Variants in SOX6 observed in about 807,000 individuals in gnomAD.
SOX6 encodes the protein transcription factor SOX-6.
Under a neutral mutation model 97.8 loss-of-function variants are expected in SOX6, and 11 were observed. The observed-to-expected ratio is 0.11, with a 90% CI of 0.07 to 0.19. The LOEUF (loss-of-function observed/expected upper bound fraction) is 0.19, where lower values mean the gene tolerates loss of function less well. SOX6 is among the 10% of genes least tolerant of loss of function. SOX6 has a pLI of 1.00. For missense variants in SOX6, 810 were observed against 1,039.5 expected (o/e 0.78, Z 3.04); for synonymous variants, 360 against 371.4 (o/e 0.97, Z 0.35).
chr11:16,053,116 GT>G (rs1161453246), intron 10 of SOX6, among the ~76,000 whole-genome samples: 1 of 152,080 alleles, frequency 6.6e-6, no homozygotes, highest in African/African-American at 2.4e-5. Flanking sequence ...TCTGAACTCT[GT>G]CTCTCTACTC....
chr11:16,013,796 TA>T (rs1245430429), intron 13 of SOX6, among the ~76,000 whole-genome samples: 1 of 151,988 alleles, frequency 6.6e-6, no homozygotes, highest in Non-Finnish European at 1.5e-5. Flanking sequence ...TGTCTAATAC[TA>T]TTCATCTCTG....
chr11:16,285,121 C>A (rs1854694194), intron 3 of SOX6, among the ~76,000 whole-genome samples: 1 of 152,048 alleles, frequency 6.6e-6, no homozygotes, highest in African/African-American at 2.4e-5. Flanking sequence ...TGCCAGTTTT[C>A]TTTCATTAAA....
chr11:16,106,052 G>A (rs1443249374), intron 7 of SOX6, among the ~76,000 whole-genome samples: 2 of 152,070 alleles, frequency 1.3e-5, no homozygotes. Flanking sequence ...AGAAATTAAA[G>A]ATGACATAAA....
At chr11:16,446,462 T>G (rs1565148718) in intron 1 of SOX6, among the ~76,000 whole-genome samples, 1 of 152,144 alleles carries the variant, frequency 6.6e-6, no homozygotes, top group Non-Finnish European at 1.5e-5. Flanking sequence ...GTAAGCGAAT[T>G]ACCTTCACAA....
intron 4 of SOX6, among the ~76,000 whole-genome samples, chr11:16,609,502 A>G (rs1848372814): frequency 6.6e-6 from 1 of 152,208 alleles, no homozygotes; most frequent in African/African-American, 2.4e-5. Flanking sequence ...AGAAATCAGA[A>G]AGTTTCATGG....
At chr11:16,729,241 A>T (rs936209711) in intron 2 of SOX6, among the ~76,000 whole-genome samples, 1 of 152,080 alleles carries the variant, frequency 6.6e-6, no homozygotes, top group African/African-American at 2.4e-5. Context: ...CCACAAAGAT[A>T]CTCCTCGAGA....
At chr11:16,387,874 A>C (rs1858038922) in intron 1 of SOX6, among the ~76,000 whole-genome samples, 1 of 152,116 alleles carries the variant, frequency 6.6e-6, no homozygotes, top group African/African-American at 2.4e-5. Context: ...TCCTTGTATC[A>C]CATGACTTTG....
chr11:16,096,560 A>T (rs1848799409), intron 8 of SOX6, among the ~76,000 whole-genome samples: 1 of 151,770 alleles, frequency 6.6e-6, no homozygotes, highest in Non-Finnish European at 1.5e-5. Context: ...CTCATGACAA[A>T]ATTTCTCAAA....
intron 3 of SOX6, among the ~76,000 whole-genome samples, chr11:16,612,687 C>T (rs1848413670): frequency 6.6e-6 from 1 of 152,072 alleles, no homozygotes; most frequent in African/African-American, 2.4e-5. Context: ...GCGGCACAGA[C>T]ACGAACTAAG....
At chr11:16,737,678 A>G (rs915682543) in intron 1 of SOX6, among the ~76,000 whole-genome samples, 17 of 152,278 alleles carry the variant, frequency 1.1e-4, no homozygotes, top group African/African-American at 2.6e-4. Flanking sequence ...ATAGCTTTAA[A>G]TGCAGGGCTT....
chr11:16,433,530 C>G (rs12793343), intron 1 of SOX6, among the ~76,000 whole-genome samples: 47,178 of 151,848 alleles, frequency 0.31, 8,288 homozygotes, highest in Non-Finnish European at 0.4. Context: ...AATGGATCAT[C>G]CACTTGCCAC....
intron 4 of SOX6, among the ~76,000 whole-genome samples, chr11:16,233,550 T>C (rs1852921935): frequency 6.6e-6 from 1 of 152,168 alleles, no homozygotes. Context: ...TTGAGCTTTA[T>C]CAACATGGGA....
intron 4 of SOX6, among the ~76,000 whole-genome samples, chr11:16,560,171 G>A (rs924544868): frequency 2.0e-5 from 3 of 152,246 alleles, no homozygotes; most frequent in Non-Finnish European, 2.9e-5. Flanking sequence ...AAGTGTTATG[G>A]TGGATGCACA....
intron 1 of SOX6, among the ~76,000 whole-genome samples, chr11:16,341,666 A>G (rs918086501): frequency 6.6e-6 from 1 of 152,160 alleles, no homozygotes; most frequent in African/African-American, 2.4e-5. Context: ...AGATGATTTG[A>G]AAGCACAATT....
chr11:16,378,893 C>T (rs1857723159), intron 1 of SOX6, among the ~76,000 whole-genome samples: 1 of 151,950 alleles, frequency 6.6e-6, no homozygotes, highest in African/African-American at 2.4e-5. Flanking sequence ...GAATTAATTA[C>T]CCATTAGAAT....
At chr11:16,259,945 ATG>A (rs5789946) in intron 3 of SOX6, among the ~76,000 whole-genome samples, 25,056 of 148,938 alleles carry the variant, frequency 0.17, 2,419 homozygotes, top group Admixed American at 0.28. Context: ...TGTCCCAAAT[ATG>A]TGTGTGTGTG....
chr11:16,516,104 T>C (rs1345607205), intron 4 of SOX6, among the ~76,000 whole-genome samples: 3 of 150,322 alleles, frequency 2.0e-5, no homozygotes, highest in African/African-American at 7.4e-5. Context: ...GGTAGCTTGA[T>C]GGGGATGGCA....
intron 13 of SOX6, among the ~76,000 whole-genome samples, chr11:15,995,740 G>A (rs1854204216): frequency 6.6e-6 from 1 of 151,988 alleles, no homozygotes; most frequent in Non-Finnish European, 1.5e-5. Flanking sequence ...AGAGAAAAGG[G>A]ACATATTACT....
intron 4 of SOX6, chr11:16,484,622 C>T (rs552231069): frequency 1.5e-6 from 1 of 670,352 alleles, no homozygotes; most frequent in African/African-American, 1.8e-5. Context: ...GGTGCCCAGC[C>T]CCAGGATGGA....
Sources: gnomAD v4.1 joint callset for allele counts (sites outside exome capture counted in the v4.1 genomes callset) on GRCh38, gnomAD v4.1.1 for gene constraint, MANE v1.5 for transcripts, NCBI Gene and HGNC (gene_info 2026-07-23, HGNC 2026-07-21) for gene names.